Variants in CDH23 observed in about 807,000 individuals in gnomAD.
CDH23 encodes the protein cadherin-23.
Under a neutral mutation model 317.1 loss-of-function variants are expected in CDH23, and 189 were observed. The observed-to-expected ratio is 0.60, with a 90% CI of 0.53 to 0.67. CDH23 has a LOEUF of 0.67. CDH23 is among the 30% of genes least tolerant of loss of function. The probability of loss-of-function intolerance (pLI) is 0.00; values close to 1 mark genes in which losing one functional copy is unlikely to be tolerated. For synonymous variants in CDH23, 1,839 were observed against 1,876.8 expected, an observed-to-expected ratio of 0.98 and a Z score of 0.52; for missense variants, 4,401 against 4,592.4, an observed-to-expected ratio of 0.96 and a Z score of 1.20.
At chr10:71,655,851 C>T (rs1425787617) in intron 14 of CDH23, among the ~76,000 whole-genome samples, 9 of 152,190 alleles carry the variant, frequency 5.9e-5, no homozygotes, top group East Asian at 3.9e-4. Context: ...CCCAGCCCAT[C>T]GGCAACGGAG....
In CDH23 at chr10:71,641,471, C is replaced by T. The variant is rs576853891; in HGVS notation, c.1135-2390C>T. ...CATCTGCCTGGGACTCCAAGCTTCTCGACATGGACCCTTTGCAAATAATAA... is the reference window on the plus strand; with the variant it reads ...CATCTGCCTGGGACTCCAAGCTTCTTGACATGGACCCTTTGCAAATAATAA... On this transcript the variant is annotated intron_variant, in intron 11 of 69. Transcript: ENST00000224721. Among the ~76,000 whole-genome samples, 8 of 152,322 alleles carry T rather than the reference C, an allele frequency of 5.3e-5. No individual in the cohort carries two copies. The East Asian group carries it at 1.2e-3, about 22-fold the overall frequency.
At chr10:71,707,727 AG>A (rs1174241786) in intron 26 of CDH23, among the ~76,000 whole-genome samples, 1 of 152,134 alleles carries the variant, frequency 6.6e-6, no homozygotes, top group Non-Finnish European at 1.5e-5. Context: ...ATGGGGGTGC[AG>A]TCTTCCCCAT....
intron 6 of CDH23, among the ~76,000 whole-genome samples, chr10:71,533,525 C>CCACACA (rs55659529): frequency 0.13 from 17,189 of 130,594 alleles, 1,264 homozygotes; most frequent in East Asian, 0.26. Context: ...TGGCTGGACA[C>CCACACA]CACACACACA....
chr10:71,799,651 G>A lies in CDH23; in HGVS notation c.7362+22G>A, dbSNP rs375485076. The A allele has an allele frequency of 4.2e-5, 68 of 1,613,994 alleles. No homozygotes were observed. In the East Asian group the frequency reaches 1.4e-3, roughly 33 times the overall value. ...CACGGTGAGCAGTGATGGAGGGCCT[G>A]GAATTTGGAAGTGGGAAGGACCCAG... On this transcript the variant is annotated intron_variant, in intron 52 of 69. Coordinates refer to ENST00000224721, the MANE Select transcript of CDH23 (RefSeq NM_022124.6).
chr10:71,406,882 A>G (rs1848121455), intron 1 of CDH23, among the ~76,000 whole-genome samples: 1 of 152,302 alleles, frequency 6.6e-6, no homozygotes, highest in Admixed American at 6.5e-5. Context: ...ATAGATGGCC[A>G]GTTTATGACC....
chr10:71,526,746 C>T (rs951425743), intron 6 of CDH23, among the ~76,000 whole-genome samples: 1 of 152,200 alleles, frequency 6.6e-6, no homozygotes, highest in Non-Finnish European at 1.5e-5. Context: ...ATGCGTCACT[C>T]GGGTGCTTTT....
intron 1 of CDH23, among the ~76,000 whole-genome samples, chr10:71,398,626 TGG>T (rs1847643037): frequency 6.6e-6 from 1 of 151,932 alleles, no homozygotes; most frequent in African/African-American, 2.4e-5. Flanking sequence ...GCTTGGTTCG[TGG>T]TGCAGGGGTA....
At chr10:71,559,946 A>T (rs1288007253) in intron 6 of CDH23, among the ~76,000 whole-genome samples, 1 of 152,148 alleles carries the variant, frequency 6.6e-6, no homozygotes, top group African/African-American at 2.4e-5. Context: ...GCTCCCTGAG[A>T]TATGTGTTGG....
At chr10:71,476,381 T>TGAGAAGGAACCCAGGGCCCG (rs1851797723) in intron 3 of CDH23, among the ~76,000 whole-genome samples, 1 of 152,114 alleles carries the variant, frequency 6.6e-6, no homozygotes, top group Non-Finnish European at 1.5e-5. Flanking sequence ...CTCACTGTAT[T>TGAGAAGGAACCCAGGGCCCG]GAGAAGGAAC....
chr10:71,446,952 G>T (rs1386910243), intron 3 of CDH23, among the ~76,000 whole-genome samples: 1 of 152,190 alleles, frequency 6.6e-6, no homozygotes, highest in Admixed American at 6.5e-5. Flanking sequence ...GGAAACTGAG[G>T]CTGAATTGCA....
intron 37 of CDH23, among the ~76,000 whole-genome samples, 183 bp from the exon 38 acceptor site, chr10:71,741,511 C>A (rs1364855715): frequency 6.6e-6 from 1 of 152,220 alleles, no homozygotes; most frequent in African/African-American, 2.4e-5. Flanking sequence ...CAGGCCCCAG[C>A]ATATCAGAGG....
chr10:71,518,972 C>T (rs1219181214), intron 6 of CDH23, among the ~76,000 whole-genome samples: 1 of 152,242 alleles, frequency 6.6e-6, no homozygotes, highest in African/African-American at 2.4e-5. Flanking sequence ...CTCCACCACC[C>T]ACAGCACCAC....
chr10:71,567,973 G>A (rs1314156682), intron 7 of CDH23, among the ~76,000 whole-genome samples: 1 of 152,204 alleles, frequency 6.6e-6, no homozygotes, highest in Admixed American at 6.5e-5. Flanking sequence ...GGCAGCGCTG[G>A]GGGGCTCTCC....
intron 2 of CDH23, among the ~76,000 whole-genome samples, chr10:71,441,606 C>T (rs1342307860): frequency 6.6e-6 from 1 of 152,018 alleles, no homozygotes; most frequent in Non-Finnish European, 1.5e-5. Context: ...CTTGTAGTCG[C>T]AGCTACTTGG....
chr10:71,660,237 C>T (rs1303156288), intron 14 of CDH23, among the ~76,000 whole-genome samples: 3 of 152,094 alleles, frequency 2.0e-5, no homozygotes, highest in Admixed American at 6.5e-5. Flanking sequence ...TGAGCCACCG[C>T]GCCCGGCCTG....
rs76979580 is a variant in CDH23, at chr10:71,646,299, A to G, written c.1291-160A>G. Among the ~76,000 whole-genome samples the G allele has an allele frequency of 1.8e-3, 274 of 152,320 alleles. 4 individuals are homozygous for G. In the South Asian group the frequency reaches 0.024, roughly 13 times the overall value. On this transcript the variant is annotated intron_variant, in intron 13 of 69. Coordinates refer to ENST00000224721, the MANE Select transcript of CDH23 (RefSeq NM_022124.6). ...AGAATCAGCAGCCATCCCTAGAGCA[A>G]TAACAGACGGGCTCGCAGTAGCACA...
At position 71,673,510 on chromosome 10, in the gene CDH23, A is replaced by G. The variant is rs1589318904; in HGVS notation, c.1450-1602A>G. Among the ~76,000 whole-genome samples, 3 of 152,290 alleles carry G rather than the reference A, an allele frequency of 2.0e-5. No homozygotes were observed. The Middle Eastern group carries it at 0.01, about 518-fold the overall frequency. ...CTCCGTCCCTGTAAAATGAGGATGA[A>G]TCTGGGGTTACTTTGGGCAGTGTGG... is the stretch of plus-strand genomic sequence containing the variant. On this transcript the variant is annotated intron_variant, in intron 14 of 69. Transcript: ENST00000224721.
intron 28 of CDH23, chr10:71,717,268 G>A (rs138750640): frequency 6.6e-6 from 1 of 152,220 alleles, no homozygotes; most frequent in Non-Finnish European, 1.5e-5. Flanking sequence ...TTGGTGGTGG[G>A]AAGGCCAAGG....
At chr10:71,728,954 C>G (rs1172608665) in intron 30 of CDH23, among the ~76,000 whole-genome samples, 1 of 152,160 alleles carries the variant, frequency 6.6e-6, no homozygotes, top group Admixed American at 6.5e-5. Context: ...CCTCCGCCTC[C>G]CTAGTAGCTG....
Sources: allele counts gnomAD v4.1 joint callset (sites outside exome capture counted in the v4.1 genomes callset), GRCh38; gene constraint gnomAD v4.1.1; transcripts MANE v1.5; gene names NCBI Gene and HGNC (gene_info 2026-07-23, HGNC 2026-07-21).